The following C10orf90 variants were observed in gnomAD, a reference collection of about 807,000 sequenced individuals.
C10orf90 encodes the protein chromosome 10 open reading frame 90.
A neutral mutation model predicts 62.5 loss-of-function variants in C10orf90; 56 were observed. The ratio of observed to expected loss-of-function variants is 0.90; its 90% CI spans 0.72 to 1.12. C10orf90 has a LOEUF of 1.12. Among genes scored for constraint, C10orf90 ranks in the 50% most tolerant of loss-of-function variants. The pLI, the probability that C10orf90 is intolerant of heterozygous loss-of-function variation, is 0.00. For synonymous variants in C10orf90, 386 were observed against 340.4 expected (o/e 1.13, Z -1.47); for missense variants, 970 against 880.4 (o/e 1.10, Z -1.29).
chr10:126,483,783 C>A (rs1446919760), intron 4 of C10orf90, among the ~76,000 whole-genome samples: 1 of 152,158 alleles, frequency 6.6e-6, no homozygotes. Context: ...GTGTGGATAG[C>A]CTCACATGCT....
chr10:126,563,000 T>C (rs567455897), intron 2 of C10orf90, among the ~76,000 whole-genome samples: 17 of 152,304 alleles, frequency 1.1e-4, no homozygotes, highest in Non-Finnish European at 2.2e-4. Context: ...GTACATTGCT[T>C]TCCATGGCTG....
At chr10:126,592,327 T>C (rs1195787471) in intron 2 of C10orf90, among the ~76,000 whole-genome samples, 4 of 152,274 alleles carry the variant, frequency 2.6e-5, no homozygotes, top group African/African-American at 9.6e-5. Flanking sequence ...AACAGCATGG[T>C]ACTGGTACAA....
At chr10:126,555,511 C>CA (rs10541392) in intron 2 of C10orf90, among the ~76,000 whole-genome samples, 42 of 148,278 alleles carry the variant, frequency 2.8e-4, no homozygotes, top group Middle Eastern at 3.5e-3. Flanking sequence ...CTGTGTCTAC[C>CA]AAAAAAAAAA....
chr10:126,468,980 C>T (rs931204199), intron 4 of C10orf90, among the ~76,000 whole-genome samples: 2 of 152,126 alleles, frequency 1.3e-5, no homozygotes, highest in African/African-American at 2.4e-5. Flanking sequence ...TATATGAGCC[C>T]CTGTTGAGCC....
intron 2 of C10orf90, among the ~76,000 whole-genome samples, chr10:126,627,000 CTTTTTTTT>C (rs61226052): frequency 2.5e-5 from 3 of 119,498 alleles, no homozygotes; most frequent in Non-Finnish European, 5.1e-5. Flanking sequence ...TTTTTCTTTT[CTTTTTTTT>C]TTTTTTTTTG....
chr10:126,489,997 T>TA (rs1340494357), intron 4 of C10orf90, among the ~76,000 whole-genome samples: 1 of 95,776 alleles, frequency 1.0e-5, no homozygotes, highest in African/African-American at 4.2e-5. Context: ...ATAATATATA[T>TA]TATATATTAT....
At chr10:126,563,111 CA>C (rs1411694985) in intron 2 of C10orf90, among the ~76,000 whole-genome samples, 1 of 152,200 alleles carries the variant, frequency 6.6e-6, no homozygotes, top group Non-Finnish European at 1.5e-5. Context: ...CAACTCGGGG[CA>C]AAATTCCCCA....
In C10orf90 at chr10:126,505,010, T is replaced by G. The variant is rs75904847; in HGVS notation, c.481A>C (p.Arg161=). Residue 161 remains arginine, a synonymous_variant, in exon 4 of 10, where the codon AGA becomes CGA. Coordinates refer to ENST00000488181, the MANE Select transcript of C10orf90 (RefSeq NM_001350921.2). ...AGGGGCAAGGAGGCCCTGTTTTCTC[T>G]TGACTTATTCTCATCAATCATCTGG... ...ISQMIDENKS[R]ENRASLPLPC... 2,375 of 1,614,246 alleles carry G rather than the reference T, an allele frequency of 1.5e-3. 18 individuals carry two copies. In the African/African-American group the frequency reaches 0.025, roughly 17 times the overall value.
chr10:126,600,036 G>T (rs11245058), intron 2 of C10orf90, among the ~76,000 whole-genome samples: 2 of 152,210 alleles, frequency 1.3e-5, no homozygotes, highest in South Asian at 2.1e-4. Flanking sequence ...CAATTATTTC[G>T]ATTAAAGCAG....
intron 2 of C10orf90, among the ~76,000 whole-genome samples, chr10:126,537,457 A>G (rs923903339): frequency 1.2e-4 from 18 of 152,164 alleles, no homozygotes; most frequent in Non-Finnish European, 2.1e-4. Flanking sequence ...AACATCTTTA[A>G]TAGACAGCTG....
At chr10:126,441,255 G>C (rs766749530) in intron 7 of C10orf90, among the ~76,000 whole-genome samples, 18 of 152,044 alleles carry the variant, frequency 1.2e-4, no homozygotes, top group Non-Finnish European at 2.4e-4. Flanking sequence ...GAAAGTCTCA[G>C]CAATAGAATT....
At chr10:126,612,338 A>G (rs1293765162) in intron 2 of C10orf90, among the ~76,000 whole-genome samples, 1 of 152,178 alleles carries the variant, frequency 6.6e-6, no homozygotes, top group Non-Finnish European at 1.5e-5. Context: ...AAAAAAAATC[A>G]AGTGCTCAAA....
At chr10:126,553,314 C>T (rs1864681108) in intron 2 of C10orf90, among the ~76,000 whole-genome samples, 1 of 151,990 alleles carries the variant, frequency 6.6e-6, no homozygotes, top group South Asian at 2.1e-4. Context: ...AGATAGAAAA[C>T]ACAATTTTAA....
At chr10:126,565,366 ATT>A (rs1417052065) in intron 2 of C10orf90, among the ~76,000 whole-genome samples, 23 of 76,522 alleles carry the variant, frequency 3.0e-4, no homozygotes, top group African/African-American at 1.1e-3. Flanking sequence ...AATATATATT[ATT>A]TTATATAATA....
chr10:126,591,365 A>G (rs148554026), intron 2 of C10orf90, among the ~76,000 whole-genome samples: 3,929 of 152,344 alleles, frequency 0.026, 59 homozygotes, highest in Non-Finnish European at 0.039. Flanking sequence ...AGTTGGCTTC[A>G]TCTCTGCGAT....
At chr10:126,615,700 T>C (rs1428009151) in intron 2 of C10orf90, among the ~76,000 whole-genome samples, 2 of 152,146 alleles carry the variant, frequency 1.3e-5, no homozygotes, top group Admixed American at 6.5e-5. Flanking sequence ...GAGTAAGAGA[T>C]GCCATCTCTA....
chr10:126,457,143 C>G (rs1201436292), intron 7 of C10orf90, among the ~76,000 whole-genome samples: 3 of 152,140 alleles, frequency 2.0e-5, no homozygotes, highest in Non-Finnish European at 2.9e-5. Context: ...CATGCACCAT[C>G]ACACCTGGCC....
chr10:126,557,646 A>C (rs963122863), intron 2 of C10orf90, among the ~76,000 whole-genome samples: 2 of 151,998 alleles, frequency 1.3e-5, no homozygotes, highest in Non-Finnish European at 2.9e-5. Flanking sequence ...ATGTTGCAAA[A>C]CGTTTACAAA....
At chr10:126,550,474 A>G (rs1205156687) in intron 2 of C10orf90, among the ~76,000 whole-genome samples, 1 of 152,076 alleles carries the variant, frequency 6.6e-6, no homozygotes, top group East Asian at 1.9e-4. Context: ...TGCCATTAGG[A>G]GGAAATAGAA....
Sources: gnomAD v4.1 joint callset for allele counts (sites outside exome capture counted in the v4.1 genomes callset) on GRCh38, gnomAD v4.1.1 for gene constraint, MANE v1.5 for transcripts, NCBI Gene and HGNC (gene_info 2026-07-23, HGNC 2026-07-21) for gene names.